The following EPB41L4A variants were observed in gnomAD, a reference collection of about 807,000 sequenced individuals.
EPB41L4A encodes the protein band 4.1-like protein 4A.
EPB41L4A carries 100 observed loss-of-function variants against 108.6 expected under a neutral mutation model. The ratio of observed to expected loss-of-function variants is 0.92; its 90% confidence interval spans 0.78 to 1.09. EPB41L4A has a LOEUF of 1.09. Ranked by LOEUF, EPB41L4A falls within the 50% of genes least tolerant of loss-of-function variation. EPB41L4A has a pLI of 0.00. For missense variants in EPB41L4A, 1,030 were observed against 842.7 expected, an observed-to-expected ratio of 1.22 and a Z score of -2.75; for synonymous variants, 319 against 289.0, an observed-to-expected ratio of 1.10 and a Z score of -1.05.
chr5:112,154,214 T>A (rs1759571764), intron 12 of EPB41L4A, among the ~76,000 whole-genome samples: 1 of 152,208 alleles, frequency 6.6e-6, no homozygotes. Flanking sequence ...TAGAGAGCAT[T>A]CACAACACTA....
At position 112,163,517 on chromosome 5, in the gene EPB41L4A, G is replaced by C. The variant is rs1580345896; in HGVS notation, c.*1473C>G. On this transcript the variant is annotated 3_prime_UTR_variant, in exon 23 of 23. Coordinates refer to ENST00000261486, the MANE Select transcript of EPB41L4A (RefSeq NM_022140.5). ...AGGTAAAGCATGATAAGCCAGAAAGGATGGTCAGTGGTAGGAGCAAAATAG... is the reference window on the plus strand; with the variant it reads ...AGGTAAAGCATGATAAGCCAGAAAGCATGGTCAGTGGTAGGAGCAAAATAG... 6.6e-6 allele frequency: 1 copy of C among 152,350 alleles called. No individual in the cohort carries two copies. The highest frequency in any genetic ancestry group is 1.9e-4 in the East Asian group (1 of 5,188). 9.4% of individuals were successfully genotyped at this position (152,350 alleles called of 1,614,324 possible).
chr5:112,309,527 G>A lies in EPB41L4A; in HGVS notation c.100-2037C>T, dbSNP rs538181498. Among the ~76,000 whole-genome samples, 18 of 152,206 alleles carry A rather than the reference G, an allele frequency of 1.2e-4. 2 individuals are homozygous for A. Among genetic ancestry groups the A allele is most frequent in the Admixed American group, 7.8e-4 (12 of 15,288 alleles). On this transcript the variant is annotated intron_variant, in intron 1 of 22. Transcript: ENST00000261486. ...TATATGGTTGTCTTTTATATCCTTCGAGGAAATTTTACACTTTTGATGTGG... is the reference window on the plus strand; with the variant it reads ...TATATGGTTGTCTTTTATATCCTTCAAGGAAATTTTACACTTTTGATGTGG...
intron 18 of EPB41L4A, chr5:112,173,567 T>C (rs2150210051): frequency 6.6e-6 from 1 of 152,130 alleles, no homozygotes; most frequent in African/African-American, 2.4e-5. Flanking sequence ...TGTTTTTTTT[T>C]TTAAATATAC....
chr5:112,280,393 T>G, intron 2 of EPB41L4A, 70 bp from the exon 3 acceptor site: 1 of 1,387,766 alleles, frequency 7.2e-7, no homozygotes, highest in Non-Finnish European at 1.0e-6. Context: ...CAAGAATATT[T>G]GCAAAATGTT....
At chr5:112,305,283 G>T (rs371497324) in intron 2 of EPB41L4A, among the ~76,000 whole-genome samples, 1 of 152,062 alleles carries the variant, frequency 6.6e-6, no homozygotes, top group Non-Finnish European at 1.5e-5. Flanking sequence ...ATTTACAGTC[G>T]GTGGTGCACT....
chr5:112,377,546 A>T (rs1415830696), intron 1 of EPB41L4A, among the ~76,000 whole-genome samples: 1 of 152,134 alleles, frequency 6.6e-6, no homozygotes, highest in Non-Finnish European at 1.5e-5. Flanking sequence ...CAGCTCTACC[A>T]TTTCATCCAT....
intron 17 of EPB41L4A, among the ~76,000 whole-genome samples, chr5:112,185,691 G>C (rs1260988739): frequency 6.6e-6 from 1 of 152,064 alleles, no homozygotes; most frequent in African/African-American, 2.4e-5. Flanking sequence ...TGCATGTACA[G>C]AGTAAATTTA....
chr5:112,223,386 C>G (rs763465591), intron 12 of EPB41L4A, among the ~76,000 whole-genome samples: 4 of 152,054 alleles, frequency 2.6e-5, no homozygotes, highest in Non-Finnish European at 4.4e-5. Context: ...ATAAAAAAAT[C>G]AATCCCAGAG....
In EPB41L4A at chr5:112,194,640, C is replaced by G. The variant is rs752217121; in HGVS notation, c.1430G>C (p.Arg477Pro). 4 of 1,597,966 alleles carry G rather than the reference C, an allele frequency of 2.5e-6. No homozygotes were observed. The highest frequency in any genetic ancestry group is 3.4e-6 in the Non-Finnish European group (4 of 1,173,780). The change falls in exon 17 of 23, where the codon CGT becomes CCT. Residue 477 changes from arginine (R) to proline (P), a missense_variant. Transcript: ENST00000261486. ...ACCACTGCTGGTGTTACAGCGTGAA[C>G]GTGACCTGAAGACAAAAAGGTAAGA... Reference protein sequence around the residue: ...DSDLKQRRRSRSRCNTSSGSE... With the variant: ...DSDLKQRRRSPSRCNTSSGSE...
intron 1 of EPB41L4A, among the ~76,000 whole-genome samples, chr5:112,388,689 G>A (rs73214251): frequency 6.6e-6 from 1 of 152,166 alleles, no homozygotes; most frequent in African/African-American, 2.4e-5. Context: ...TCAAAGATCT[G>A]GTCCAGGCTT....
intron 9 of EPB41L4A, among the ~76,000 whole-genome samples, chr5:112,246,893 T>C (rs1750274222): frequency 6.6e-6 from 1 of 152,174 alleles, no homozygotes; most frequent in Admixed American, 6.6e-5. Flanking sequence ...TTTTGCCCTT[T>C]AGATGTAGAG....
intron 2 of EPB41L4A, among the ~76,000 whole-genome samples, chr5:112,300,107 T>A (rs2150561552): frequency 6.6e-6 from 1 of 152,358 alleles, no homozygotes; most frequent in South Asian, 2.1e-4. Flanking sequence ...TCTGCAATTC[T>A]GTATCTTTTA....
intron 15 of EPB41L4A, among the ~76,000 whole-genome samples, chr5:112,198,615 G>A (rs936816023): frequency 2.0e-5 from 3 of 151,916 alleles, no homozygotes; most frequent in Non-Finnish European, 2.9e-5. Flanking sequence ...CTTAGAAATT[G>A]TATTAGTTGA....
At chr5:112,170,840 G>T in intron 19 of EPB41L4A, 105 bp downstream of exon 19, 1 of 964,042 alleles carries the variant, frequency 1.0e-6, no homozygotes, top group Non-Finnish European at 1.6e-6. Context: ...CAATGGCTTT[G>T]GCAGGCATCA....
intron 4 of EPB41L4A, among the ~76,000 whole-genome samples, chr5:112,272,880 A>G (rs1752367310): frequency 6.6e-6 from 1 of 152,024 alleles, no homozygotes; most frequent in Admixed American, 6.5e-5. Flanking sequence ...AAGATTATGT[A>G]TAAGCACGTT....
chr5:112,189,255 A>G (rs1761573720), intron 17 of EPB41L4A, among the ~76,000 whole-genome samples: 1 of 152,218 alleles, frequency 6.6e-6, no homozygotes, highest in Admixed American at 6.5e-5. Context: ...GATGTTATCA[A>G]TTTAACAGAA....
chr5:112,187,692 C>T (rs963461480), intron 17 of EPB41L4A, among the ~76,000 whole-genome samples: 4 of 152,128 alleles, frequency 2.6e-5, no homozygotes, highest in African/African-American at 7.2e-5. Context: ...TACACAAATC[C>T]CCGAGTTTTA....
At chr5:112,395,040 A>AT in intron 1 of EPB41L4A, among the ~76,000 whole-genome samples, 1 of 152,260 alleles carries the variant, frequency 6.6e-6, no homozygotes, top group Non-Finnish European at 1.5e-5. Flanking sequence ...CTGGCTAGCC[A>AT]TATGTAGAAA....
intron 1 of EPB41L4A, 31 bp downstream of exon 1, chr5:112,418,910 A>C (rs1316617349): frequency 4.4e-6 from 7 of 1,573,840 alleles, no homozygotes; most frequent in Non-Finnish European, 6.1e-6. Context: ...CCTGCCGCCA[A>C]CCCCCGGAAC....
Sources: gnomAD v4.1 joint callset for allele counts (sites outside exome capture counted in the v4.1 genomes callset) on GRCh38, gnomAD v4.1.1 for gene constraint, MANE v1.5 for transcripts, NCBI Gene and HGNC (gene_info 2026-07-23, HGNC 2026-07-21) for gene names.